HIPK2: variants seen among roughly 807,000 people sequenced by gnomAD.
HIPK2 encodes homeodomain interacting protein kinase 2.
HIPK2 carries 27 observed loss-of-function variants against 113.7 expected under a neutral mutation model. The ratio of observed to expected loss-of-function variants is 0.24; its 90% CI spans 0.17 to 0.33. The LOEUF (loss-of-function observed/expected upper bound fraction) is 0.33. Among genes scored for constraint, HIPK2 ranks in the 10% least tolerant of loss-of-function variants. The probability of loss-of-function intolerance (pLI) is 1.00; values close to 1 mark genes in which losing one functional copy is unlikely to be tolerated. For missense variants in HIPK2, 1,257 were observed against 1,588.0 expected (o/e 0.79, Z 3.54); for synonymous variants, 631 against 642.2 (o/e 0.98, Z 0.26).
At chr7:139,719,830 T>C (rs1271197249) in intron 1 of HIPK2, among the ~76,000 whole-genome samples, 1 of 152,240 alleles carries the variant, frequency 6.6e-6, no homozygotes, top group Non-Finnish European at 1.5e-5. Flanking sequence ...AATGTATTTA[T>C]CACTTTCTAG....
chr7:139,577,441 C>T (rs752814654), intron 13 of HIPK2, among the ~76,000 whole-genome samples: 7 of 152,096 alleles, frequency 4.6e-5, no homozygotes, highest in East Asian at 1.9e-4. Context: ...CGTGAGCCAC[C>T]GCGCTGGGCC....
chr7:139,717,092 C>T, intron 1 of HIPK2, 77 bp from the exon 2 acceptor site: 2 of 1,499,478 alleles, frequency 1.3e-6, no homozygotes, highest in Admixed American at 2.1e-5. Flanking sequence ...CCCTTCAGTT[C>T]TCATCTGTGG....
intron 13 of HIPK2, among the ~76,000 whole-genome samples, chr7:139,578,879 C>A (rs958652279): frequency 1.3e-5 from 2 of 152,094 alleles, no homozygotes; most frequent in African/African-American, 4.8e-5. Context: ...GCCATGTTGG[C>A]CAGGCTGGTC....
At chr7:139,662,908 C>T (rs915141947) in intron 2 of HIPK2, among the ~76,000 whole-genome samples, 1 of 152,146 alleles carries the variant, frequency 6.6e-6, no homozygotes, top group African/African-American at 2.4e-5. Context: ...CATGAGCCAT[C>T]GTGCCTGGCC....
intron 1 of HIPK2, among the ~76,000 whole-genome samples, chr7:139,756,955 C>A (rs1435305382): frequency 6.6e-6 from 1 of 152,170 alleles, no homozygotes; most frequent in Admixed American, 6.5e-5. Flanking sequence ...CCTTGGTAAA[C>A]CTAGAACTTG....
At chr7:139,659,171 T>C (rs1432970520) in intron 2 of HIPK2, among the ~76,000 whole-genome samples, 3 of 152,184 alleles carry the variant, frequency 2.0e-5, no homozygotes, top group Non-Finnish European at 2.9e-5. Context: ...TGAACTCACT[T>C]GCTTTTCTAT....
intron 2 of HIPK2, among the ~76,000 whole-genome samples, chr7:139,668,781 A>C (rs1467962054): frequency 6.6e-6 from 1 of 152,254 alleles, no homozygotes; most frequent in Non-Finnish European, 1.5e-5. Context: ...ACAGTTGCAC[A>C]TTAAATTGGA....
chr7:139,759,476 T>G (rs1233807637), intron 1 of HIPK2, among the ~76,000 whole-genome samples: 1 of 152,234 alleles, frequency 6.6e-6, no homozygotes, highest in Non-Finnish European at 1.5e-5. Flanking sequence ...TTAAATGACA[T>G]GTCTACAAGG....
rs1334676846 is a variant in HIPK2, at chr7:139,613,949, A to G, written c.1990+337T>C. Among the ~76,000 whole-genome samples the G allele has an allele frequency of 6.6e-6, 1 of 152,226 alleles. No individual in the cohort carries two copies. The highest frequency in any genetic ancestry group is 1.9e-4 in the East Asian group (1 of 5,196). On this transcript the variant is annotated intron_variant, in intron 8 of 14. Transcript: ENST00000406875. The surrounding 1 kb of genome is among the most constrained non-coding windows in gnomAD (Gnocchi z 4.2). ...AGTTTTCTACAGATAACCCACACAG[A>G]GGATATTTCATGCGAGGAAAAGCAA...
In HIPK2 at chr7:139,747,081, G is replaced by A. The variant is rs1796202609; in HGVS notation, c.20-30066C>T. Among the ~76,000 whole-genome samples, 4 of 152,114 alleles carry A rather than the reference G, an allele frequency of 2.6e-5. No homozygotes were observed. In the South Asian group the frequency reaches 8.3e-4, roughly 32 times the overall value. On this transcript the variant is annotated intron_variant, in intron 1 of 14. Coordinates refer to ENST00000406875, the MANE Select transcript of HIPK2 (RefSeq NM_022740.5). ...CAGGGCTGGCCAAATCAGTCACAGG[G>A]ACCCCTTTTCGGTGTGAAACTGCAC... is the stretch of plus-strand genomic sequence containing the variant.
intron 2 of HIPK2, among the ~76,000 whole-genome samples, chr7:139,636,675 C>A (rs897814088): frequency 6.6e-6 from 1 of 152,100 alleles, no homozygotes; most frequent in Non-Finnish European, 1.5e-5. Context: ...ACCCCTGGAG[C>A]CTTCAGAGGG....
intron 9 of HIPK2, among the ~76,000 whole-genome samples, chr7:139,609,343 G>A (rs1203049739): frequency 6.6e-6 from 1 of 152,174 alleles, no homozygotes; most frequent in Non-Finnish European, 1.5e-5. Flanking sequence ...TCCTCTGGGT[G>A]CCCCACAGAG....
In HIPK2 at chr7:139,712,209, C is replaced by T. The variant is rs181293190; in HGVS notation, c.1103+3723G>A. ...AGCCTTTGTTTCCTGAAAAACACAC[C>T]AGTGGGCTTGCCTCACAGAATACCA... is the stretch of plus-strand genomic sequence containing the variant. On this transcript the variant is annotated intron_variant, in intron 2 of 14. Transcript: ENST00000406875. Among the ~76,000 whole-genome samples the T allele has an allele frequency of 2.6e-5, 4 of 152,320 alleles. No homozygotes were observed. In the East Asian group the frequency reaches 7.7e-4, roughly 29 times the overall value.
intron 2 of HIPK2, among the ~76,000 whole-genome samples, chr7:139,642,093 G>T (rs1333520986): frequency 6.6e-6 from 1 of 152,182 alleles, no homozygotes; most frequent in Non-Finnish European, 1.5e-5. Context: ...GTATTATAAG[G>T]TGTACTCGAA....
At chr7:139,636,059 C>T (rs181806714) in intron 2 of HIPK2, among the ~76,000 whole-genome samples, 60 of 152,302 alleles carry the variant, frequency 3.9e-4, no homozygotes, top group Middle Eastern at 3.4e-3. Context: ...GGACACTCTG[C>T]GTCACTGACG....
chr7:139,773,576 C>A (rs558490837), intron 1 of HIPK2, among the ~76,000 whole-genome samples: 4 of 152,288 alleles, frequency 2.6e-5, no homozygotes, highest in African/African-American at 9.6e-5. Flanking sequence ...TCCACACAAA[C>A]CTCAAAGGTG....
intron 2 of HIPK2, among the ~76,000 whole-genome samples, chr7:139,715,646 C>T (rs1795207282): frequency 6.6e-6 from 1 of 152,176 alleles, no homozygotes; most frequent in Non-Finnish European, 1.5e-5. Context: ...TGTCTGGATC[C>T]TACCCATCCG....
At chr7:139,752,172 G>A (rs1373232339) in intron 1 of HIPK2, among the ~76,000 whole-genome samples, 6 of 152,094 alleles carry the variant, frequency 3.9e-5, no homozygotes, top group Non-Finnish European at 4.4e-5. Flanking sequence ...GCACACACAT[G>A]CTCAGAAGCT....
rs149992899 is a variant in HIPK2, at chr7:139,604,492, T to A, written c.2113-269A>T. ...GTCAGGAGATCCAGACCATCCTGGC[T>A]AACACAGTGAAACCCCATCTCTACT... On this transcript the variant is annotated intron_variant, in intron 9 of 14. Coordinates refer to ENST00000406875, the MANE Select transcript of HIPK2 (RefSeq NM_022740.5). Among the ~76,000 whole-genome samples the A allele has an allele frequency of 3.1e-3, 477 of 151,968 alleles. 1 individual carries two copies. Among genetic ancestry groups the A allele is most frequent in the African/African-American group, 0.01 (435 of 41,454 alleles).
Sources: gnomAD v4.1 joint callset for allele counts (sites outside exome capture counted in the v4.1 genomes callset) on GRCh38, gnomAD v4.1.1 for gene constraint, Gnocchi (gnomAD v3.1) non-coding constraint, MANE v1.5 for transcripts, NCBI Gene and HGNC (gene_info 2026-07-23, HGNC 2026-07-21) for gene names.